Variants in SLX4IP observed in about 807,000 individuals in gnomAD.
SLX4IP encodes SLX4 interacting protein.
In SLX4IP, 34 loss-of-function variants were observed where a neutral mutation model predicts 32.9. The ratio of observed to expected loss-of-function variants is 1.03; its 90% CI spans 0.79 to 1.38. The LOEUF (loss-of-function observed/expected upper bound fraction) is 1.38, where lower values mean the gene tolerates loss of function less well. Among genes scored for constraint, SLX4IP ranks in the 40% most tolerant of loss-of-function variants. The probability of loss-of-function intolerance (pLI) is 0.00; values close to 1 mark genes in which losing one functional copy is unlikely to be tolerated. For missense variants in SLX4IP, 444 were observed against 479.0 expected (o/e 0.93, Z 0.68); for synonymous variants, 172 against 171.7 (o/e 1.00, Z -0.01).
intron 4 of SLX4IP, among the ~76,000 whole-genome samples, chr20:10,587,695 T>C (rs1481943124): frequency 6.6e-6 from 1 of 151,976 alleles, no homozygotes; most frequent in Non-Finnish European, 1.5e-5. Flanking sequence ...AATAAACTCA[T>C]GTGTATATGG....
chr20:10,454,267 A>C (rs1376761634), intron 1 of SLX4IP, among the ~76,000 whole-genome samples: 1 of 152,232 alleles, frequency 6.6e-6, no homozygotes, highest in Non-Finnish European at 1.5e-5. Flanking sequence ...CTTAAGAGCC[A>C]TCTGTTTAGG....
intron 4 of SLX4IP, among the ~76,000 whole-genome samples, chr20:10,586,937 A>C (rs77791011): frequency 0.024 from 3,727 of 152,254 alleles, 93 homozygotes; most frequent in Admixed American, 0.086. Context: ...ATATTTTACC[A>C]GGACAGTTCG....
At chr20:10,471,159 G>A (rs953595055) in intron 2 of SLX4IP, among the ~76,000 whole-genome samples, 1 of 152,238 alleles carries the variant, frequency 6.6e-6, no homozygotes, top group Admixed American at 6.5e-5. Flanking sequence ...GTGACATGCT[G>A]TATGGTATTT....
chr20:10,518,528 TCC>T lies in SLX4IP; in HGVS notation c.28-37702_28-37701del, dbSNP rs1264271497. Among the ~76,000 whole-genome samples, 776 of 142,434 alleles carry T rather than the reference TCC, an allele frequency of 5.4e-3. 26 individuals carry two copies. The highest frequency in any genetic ancestry group is 0.015 in the African/African-American group (570 of 38,440). The allele number at this position is 142,434 out of a possible 152,430, so 93.4% of individuals were successfully genotyped here. On this transcript the variant is annotated intron_variant, in intron 2 of 7. Coordinates refer to ENST00000334534, the MANE Select transcript of SLX4IP (RefSeq NM_001009608.3). Reference sequence around the variant, plus strand: ...TTCCTTCCTTCCTTCCTTCCTTCCTTCCTTCCTTCCTTCCTTCCTTCCTTTCC... The same window carrying T: ...TTCCTTCCTTCCTTCCTTCCTTCCTTTTCCTTCCTTCCTTCCTTCCTTTCC...
intron 2 of SLX4IP, among the ~76,000 whole-genome samples, chr20:10,478,688 G>C (rs2065494247): frequency 6.6e-6 from 1 of 152,184 alleles, no homozygotes; most frequent in Non-Finnish European, 1.5e-5. Flanking sequence ...TGGAGCCTCT[G>C]ATTCTTGTTC....
intron 2 of SLX4IP, among the ~76,000 whole-genome samples, chr20:10,486,796 A>G (rs2065578135): frequency 1.3e-5 from 2 of 152,212 alleles, no homozygotes. Context: ...ATCAACTTAC[A>G]TTAAACGTTC....
chr20:10,529,638 C>T (rs910833180), intron 2 of SLX4IP, among the ~76,000 whole-genome samples: 236 of 142,918 alleles, frequency 1.7e-3, no homozygotes, highest in African/African-American at 5.8e-3. Context: ...TCACATTCTT[C>T]TTCTTCTTTT....
At chr20:10,599,325 T>G (rs141930200) in intron 5 of SLX4IP, among the ~76,000 whole-genome samples, 1 of 152,362 alleles carries the variant, frequency 6.6e-6, no homozygotes, top group East Asian at 1.9e-4. Context: ...AGATATGATA[T>G]AGGAACTTTA....
chr20:10,468,856 A>G (rs2065401069), intron 2 of SLX4IP, among the ~76,000 whole-genome samples: 1 of 152,116 alleles, frequency 6.6e-6, no homozygotes, highest in South Asian at 2.1e-4. Flanking sequence ...TTTTATATAC[A>G]TTATGCCTAG....
At chr20:10,539,600 G>A (rs1368150026) in intron 2 of SLX4IP, among the ~76,000 whole-genome samples, 1 of 152,086 alleles carries the variant, frequency 6.6e-6, no homozygotes, top group African/African-American at 2.4e-5. Flanking sequence ...GGAAAAACAA[G>A]GTAGTTTTCT....
intron 2 of SLX4IP, among the ~76,000 whole-genome samples, chr20:10,529,173 G>A (rs1172275327): frequency 6.6e-6 from 1 of 152,152 alleles, no homozygotes; most frequent in Non-Finnish European, 1.5e-5. Context: ...CTGTTTTTAG[G>A]AGGAGTAAGT....
chr20:10,553,545 TCCACCTGGTGG>T (rs2066238425), intron 2 of SLX4IP, among the ~76,000 whole-genome samples: 1 of 152,218 alleles, frequency 6.6e-6, no homozygotes, highest in African/African-American at 2.4e-5. Flanking sequence ...GCATGCGACC[TCCACCTGGTGG>T]CAGCATACTC....
chr20:10,448,873 CAG>C (rs984263482), intron 1 of SLX4IP, among the ~76,000 whole-genome samples: 9 of 151,880 alleles, frequency 5.9e-5, no homozygotes, highest in African/African-American at 2.2e-4. Context: ...TCCCTAAAAA[CAG>C]AAAAAAAATA....
At chr20:10,566,195 A>T (rs1046381874) in intron 4 of SLX4IP, among the ~76,000 whole-genome samples, 1 of 150,254 alleles carries the variant, frequency 6.7e-6, no homozygotes, top group Non-Finnish European at 1.5e-5. Context: ...CCAGGATTTG[A>T]GCTGCCAGTG....
chr20:10,450,503 C>A (rs1461875361), intron 1 of SLX4IP, among the ~76,000 whole-genome samples: 1 of 152,132 alleles, frequency 6.6e-6, no homozygotes, highest in Non-Finnish European at 1.5e-5. Context: ...TCTAAATGGG[C>A]TTGCTAAGAT....
chr20:10,443,804 G>A (rs1440642038), intron 1 of SLX4IP, among the ~76,000 whole-genome samples: 4 of 152,112 alleles, frequency 2.6e-5, no homozygotes, highest in Admixed American at 1.3e-4. Flanking sequence ...CTGTTCTCAG[G>A]ATAGTGAGTT....
At chr20:10,600,068 A>C (rs113338960) in intron 5 of SLX4IP, among the ~76,000 whole-genome samples, 3,677 of 152,236 alleles carry the variant, frequency 0.024, 101 homozygotes, top group Admixed American at 0.088. Flanking sequence ...GGGAGGTGGA[A>C]AAATAATGAA....
At chr20:10,619,741 T>C (rs1018001088) in intron 6 of SLX4IP, among the ~76,000 whole-genome samples, 4 of 152,230 alleles carry the variant, frequency 2.6e-5, no homozygotes, top group African/African-American at 7.2e-5. Context: ...ACTGTACTTA[T>C]AGGGCATGTT....
intron 4 of SLX4IP, among the ~76,000 whole-genome samples, chr20:10,579,875 G>A (rs906515022): frequency 2.6e-5 from 4 of 152,004 alleles, no homozygotes; most frequent in Non-Finnish European, 4.4e-5. Context: ...GCATTTACTA[G>A]TTAGGATCAA....
Sources: gnomAD v4.1 joint callset for allele counts (sites outside exome capture counted in the v4.1 genomes callset) on GRCh38, gnomAD v4.1.1 for gene constraint, MANE v1.5 for transcripts, NCBI Gene and HGNC (gene_info 2026-07-23, HGNC 2026-07-21) for gene names.